SLC12A6: variants seen among roughly 807,000 people sequenced by gnomAD.
SLC12A6 encodes the protein solute carrier family 12 member 6, also known as K-Cl cotransporter 3.
SLC12A6 carries 66 observed loss-of-function variants against 135.3 expected under a neutral mutation model. That is an observed-to-expected ratio of 0.49 (90% CI 0.40 to 0.60). The LOEUF (loss-of-function observed/expected upper bound fraction) is 0.60. Ranked by LOEUF, SLC12A6 falls within the 20% of genes least tolerant of loss-of-function variation. The pLI, the probability that SLC12A6 is intolerant of heterozygous loss-of-function variation, is 0.00. For missense variants in SLC12A6, 1,058 were observed against 1,452.3 expected (o/e 0.73, Z 4.41); for synonymous variants, 513 against 508.8 (o/e 1.01, Z -0.11).
rs1018624994 is a variant in SLC12A6, at chr15:34,236,193, A to G, written c.3049T>C (p.Leu1017=). The change falls in exon 24 of 26, where the codon TTG becomes CTG. Residue 1017 remains leucine (L), a synonymous_variant. Transcript: ENST00000354181. ...AGCATTGAGTTTCGGTCTTTCACCA[A>G]TTGTGCCTGAGGAAGAAGGTCCAAC... The part of the protein sequence containing the change: ...SKTERDREAQ[L]VKDRNSMLRL... 17 of 1,613,532 alleles carry G rather than the reference A, an allele frequency of 1.1e-5. No individual in the cohort carries two copies. The highest frequency in any genetic ancestry group is 1.4e-5 in the Non-Finnish European group (16 of 1,179,442).
rs759137272 is a variant in SLC12A6, at chr15:34,230,763, A to G, written c.*3118T>C. ...CAGACAACGTAAGCAACACATACAC[A>G]CATGAAATACTCTAGACAGACATGA... On this transcript the variant is annotated 3_prime_UTR_variant, in exon 26 of 26. Coordinates refer to ENST00000354181, the MANE Select transcript of SLC12A6 (RefSeq NM_001365088.1). 1.3e-5 allele frequency: 2 copies of G among 152,680 alleles called. No individual in the cohort carries two copies. Among genetic ancestry groups the G allele is most frequent in the Non-Finnish European group, 2.9e-5 (2 of 68,044 alleles). 9.5% of individuals were successfully genotyped at this position (152,680 alleles called of 1,614,324 possible). A position where few individuals can be genotyped will look rare whatever the true frequency, so the allele number is the denominator to read the frequency against.
At chr15:34,237,277 G>GTT (rs1319499572) in intron 22 of SLC12A6, 142 bp downstream of exon 22, 22 of 586,464 alleles carry the variant, frequency 3.8e-5, no homozygotes, top group Non-Finnish European at 5.7e-5. Context: ...ACAAATTAGG[G>GTT]TTTTTTTTTG....
intron 2 of SLC12A6, among the ~76,000 whole-genome samples, chr15:34,302,990 ATTC>A: frequency 6.7e-6 from 1 of 150,332 alleles, no homozygotes; most frequent in South Asian, 2.1e-4. Flanking sequence ...AGATTATGTC[ATTC>A]TTTGGTCTTG....
At chr15:34,264,903 G>A (rs1406547092) in intron 3 of SLC12A6, among the ~76,000 whole-genome samples, 1 of 152,096 alleles carries the variant, frequency 6.6e-6, no homozygotes, top group African/African-American at 2.4e-5. Flanking sequence ...AAATTCTAAA[G>A]AGTATAGCTT....
At chr15:34,299,675 G>T (rs1024159750) in intron 2 of SLC12A6, 1 of 152,150 alleles carries the variant, frequency 6.6e-6, no homozygotes, top group Non-Finnish European at 1.5e-5. Flanking sequence ...CACTCCAAGA[G>T]GATGGAATAA....
At chr15:34,244,109 G>A (rs1458717614) in intron 15 of SLC12A6, 37 bp from the exon 16 acceptor site, 1 of 1,129,356 alleles carries the variant, frequency 8.9e-7, no homozygotes, top group South Asian at 1.2e-5. Flanking sequence ...ATTATTACTG[G>A]AAGATGATTC....
intron 2 of SLC12A6, among the ~76,000 whole-genome samples, chr15:34,280,809 G>A (rs1894624668): frequency 4.6e-5 from 7 of 152,152 alleles, no homozygotes; most frequent in Admixed American, 4.6e-4. Context: ...AATGGATAAA[G>A]AAAGTGTGGT....
rs1397434818 is a variant in SLC12A6, at chr15:34,304,289, A to G, written c.272-28900T>C. Among the ~76,000 whole-genome samples the G allele has an allele frequency of 3.9e-5, 6 of 152,274 alleles. No individual in the cohort carries two copies. In the East Asian group the frequency reaches 7.7e-4, roughly 20 times the overall value. On this transcript the variant is annotated intron_variant, in intron 2 of 25. Transcript: ENST00000354181. ...CCAAATAATATTCCATTATATGGCTATATCACATTTTATCTATTCATTTGT... is the reference window on the plus strand; with the variant it reads ...CCAAATAATATTCCATTATATGGCTGTATCACATTTTATCTATTCATTTGT...
At chr15:34,307,904 A>ACTC in intron 2 of SLC12A6, among the ~76,000 whole-genome samples, 1 of 152,174 alleles carries the variant, frequency 6.6e-6, no homozygotes, top group South Asian at 2.1e-4. Context: ...TTACATGTTG[A>ACTC]TGGAAAGAAT....
chr15:34,329,776 G>C (rs1889713885), intron 2 of SLC12A6, among the ~76,000 whole-genome samples: 1 of 152,186 alleles, frequency 6.6e-6, no homozygotes, highest in Admixed American at 6.5e-5. Flanking sequence ...AGCACTTTGA[G>C]AGACCCAAGT....
At chr15:34,285,714 T>G (rs200887832) in intron 2 of SLC12A6, among the ~76,000 whole-genome samples, 94,702 of 138,422 alleles carry the variant, frequency 0.68, 34,390 homozygotes, top group Non-Finnish European at 0.79. Context: ...GTGTGTGTGT[T>G]TGTCATACAT....
intron 2 of SLC12A6, among the ~76,000 whole-genome samples, chr15:34,309,962 C>T (rs1888034306): frequency 6.6e-6 from 1 of 151,328 alleles, no homozygotes. Context: ...CTTTAGTTGT[C>T]TATTTCAATC....
intron 2 of SLC12A6, among the ~76,000 whole-genome samples, chr15:34,305,996 C>A (rs1595540042): frequency 6.6e-6 from 1 of 152,030 alleles, no homozygotes; most frequent in Non-Finnish European, 1.5e-5. Context: ...CTCCTGACCT[C>A]GTGATCCGCC....
intron 2 of SLC12A6, among the ~76,000 whole-genome samples, chr15:34,307,821 A>C (rs936836524): frequency 6.6e-6 from 1 of 152,230 alleles, no homozygotes; most frequent in Non-Finnish European, 1.5e-5. Context: ...GGGAAGATGG[A>C]GACAACTTTT....
rs138056403 is a variant in SLC12A6 at position 34,267,847 on chromosome 15, T to C, written c.317-6827A>G. On this transcript the variant is annotated intron_variant, in intron 3 of 25. Coordinates refer to ENST00000354181, the MANE Select transcript of SLC12A6 (RefSeq NM_001365088.1). The stretch of plus-strand genomic sequence containing the variant: ...TTTTCTGCAGTTTCATTAAGATGTA[T>C]CTAGGTGTAGTTCTTTTTGTTTACG... Among the ~76,000 whole-genome samples, 38 of 152,326 alleles carry C rather than the reference T, an allele frequency of 2.5e-4. No homozygotes were observed. The East Asian group carries it at 7.3e-3, about 29-fold the overall frequency.
intron 13 of SLC12A6, among the ~76,000 whole-genome samples, chr15:34,249,077 T>C (rs1892206167): frequency 6.6e-6 from 1 of 152,022 alleles, no homozygotes; most frequent in African/African-American, 2.4e-5. Context: ...GCAGGGAGGT[T>C]TGTATGTTCA....
At chr15:34,235,955 G>A in intron 24 of SLC12A6, 60 bp downstream of exon 24, 1 of 1,311,528 alleles carries the variant, frequency 7.6e-7, no homozygotes, top group Non-Finnish European at 1.1e-6. Context: ...TCCAGGCAAA[G>A]TCACATTTGT....
At chr15:34,330,910 C>T (rs1327741827) in intron 2 of SLC12A6, among the ~76,000 whole-genome samples, 1 of 152,140 alleles carries the variant, frequency 6.6e-6, no homozygotes, top group East Asian at 1.9e-4. Flanking sequence ...GGTGTAGTGG[C>T]ACGTGCCTGT....
At chr15:34,332,272 C>G (rs894421294) in intron 2 of SLC12A6, among the ~76,000 whole-genome samples, 1 of 152,218 alleles carries the variant, frequency 6.6e-6, no homozygotes, top group African/African-American at 2.4e-5. Flanking sequence ...ACATCTTTAA[C>G]AGCCAGCCAG....
Sources: allele counts gnomAD v4.1 joint callset (sites outside exome capture counted in the v4.1 genomes callset), GRCh38; gene constraint gnomAD v4.1.1; transcripts MANE v1.5; gene names NCBI Gene and HGNC (gene_info 2026-07-23, HGNC 2026-07-21).